BCL2L14: variants seen among roughly 807,000 people sequenced by gnomAD.
BCL2L14 encodes the protein BCL2 like 14, also known as apoptosis facilitator Bcl-2-like protein 14.
Under a neutral mutation model 35.3 loss-of-function variants are expected in BCL2L14, and 27 were observed. The ratio of observed to expected loss-of-function variants is 0.76; its 90% CI spans 0.56 to 1.05. The LOEUF is 1.05. BCL2L14 is among the 50% of genes least tolerant of loss of function. The pLI, the probability that BCL2L14 is intolerant of heterozygous loss-of-function variation, is 0.00. For missense variants in BCL2L14, 377 were observed against 382.6 expected, an observed-to-expected ratio of 0.99 and a Z score of 0.12; for synonymous variants, 139 against 145.9, an observed-to-expected ratio of 0.95 and a Z score of 0.34.
chr12:12,090,990 A>G, intron 4 of BCL2L14, 141 bp downstream of exon 4: 2 of 495,196 alleles, frequency 4.0e-6, no homozygotes, highest in Non-Finnish European at 6.7e-6. Flanking sequence ...TTTCCCTTGG[A>G]GTCAAAATTC....
chr12:12,086,395 A>G (rs1949043355), intron 2 of BCL2L14, among the ~76,000 whole-genome samples: 1 of 152,196 alleles, frequency 6.6e-6, no homozygotes, highest in Admixed American at 6.5e-5. Context: ...CCAGCAACTC[A>G]GCCATGCCAT....
At chr12:12,066,836 G>A (rs1405411340), upstream of BCL2L14, among the ~76,000 whole-genome samples, 1 of 150,860 alleles carries the variant, frequency 6.6e-6, no homozygotes, top group African/African-American at 2.4e-5. Flanking sequence ...TCAGCCTCCT[G>A]AGTAGCTGGG....
chr12:12,090,986 T>C (rs918842682), intron 4 of BCL2L14, 137 bp downstream of exon 4: 1 of 507,570 alleles, frequency 2.0e-6, no homozygotes, highest in Non-Finnish European at 3.2e-6. Flanking sequence ...TTTATTTCCC[T>C]TGGAGTCAAA....
At chr12:12,085,454 G>A (rs1949021623) in intron 2 of BCL2L14, among the ~76,000 whole-genome samples, 1 of 152,228 alleles carries the variant, frequency 6.6e-6, no homozygotes, top group Non-Finnish European at 1.5e-5. Flanking sequence ...CGGCTGGGCT[G>A]CAATAAGGGG....
intron 2 of BCL2L14, among the ~76,000 whole-genome samples, chr12:12,064,140 A>AC (rs1330361099): frequency 6.6e-6 from 1 of 151,984 alleles, no homozygotes; most frequent in Non-Finnish European, 1.5e-5. Context: ...ATGAGCCACC[A>AC]CGTGTGGCCT....
In BCL2L14 at chr12:12,079,325, G is replaced by A. The variant is rs1473173251; in HGVS notation, c.20G>A (p.Cys7Tyr). The A allele has an allele frequency of 3.7e-6, 6 of 1,613,840 alleles. No individual in the cohort carries two copies. The highest frequency in any genetic ancestry group is 2.7e-5 in the African/African-American group (2 of 74,934). The change falls in exon 2 of 6, where the codon TGT becomes TAT. Residue 7 changes from cysteine to tyrosine, a missense_variant. Coordinates refer to ENST00000308721, the MANE Select transcript of BCL2L14 (RefSeq NM_138723.2). The stretch of plus-strand genomic sequence containing the variant: ...CCCAACATGTGTAGCACCAGTGGGT[G>A]TGACCTGGAAGAAATCCCCCTAGAT... MCSTSG[C>Y]DLEEIPLDDD...
chr12:12,050,810 A>AAAG (rs1555084774), intron 1 of BCL2L14, among the ~76,000 whole-genome samples: 18 of 110,056 alleles, frequency 1.6e-4, no homozygotes, highest in African/African-American at 5.2e-4. Context: ...AAAAAAAAAA[A>AAAG]AAAGAAAAGA....
At chr12:12,063,331 T>C (rs4508290) in intron 2 of BCL2L14, among the ~76,000 whole-genome samples, 34,039 of 148,638 alleles carry the variant, frequency 0.23, 4,078 homozygotes, top group South Asian at 0.31. Flanking sequence ...TAGGCACTCT[T>C]TAATCAGATG....
upstream of BCL2L14, chr12:12,070,926 T>G (rs888404320): frequency 1.3e-5 from 2 of 152,160 alleles, no homozygotes; most frequent in African/African-American, 4.8e-5. Context: ...GAAGTGGTTC[T>G]CCTTCTTTAA....
intron 2 of BCL2L14, among the ~76,000 whole-genome samples, chr12:12,064,188 G>A (rs1482690346): frequency 6.6e-6 from 1 of 152,154 alleles, no homozygotes; most frequent in Non-Finnish European, 1.5e-5. Context: ...CCAGGCTGGA[G>A]TGCAGTGGTT....
chr12:12,063,793 A>C (rs1021634751), intron 2 of BCL2L14, among the ~76,000 whole-genome samples: 1 of 152,148 alleles, frequency 6.6e-6, no homozygotes, highest in Admixed American at 6.5e-5. Flanking sequence ...AAAGACGTGA[A>C]AATGGCCTGT....
chr12:12,055,354 CT>C (rs1201004858), intron 2 of BCL2L14: 2 of 152,210 alleles, frequency 1.3e-5, no homozygotes, highest in African/African-American at 4.8e-5. Flanking sequence ...AAACACACCC[CT>C]GATCCGTGGG....
At chr12:12,095,568 A>G (rs1009581093) in intron 5 of BCL2L14, 17 of 985,292 alleles carry the variant, frequency 1.7e-5, no homozygotes, top group African/African-American at 7.0e-5. Context: ...AAACAGCTAC[A>G]TAAGGTCCAC....
At chr12:12,080,843 C>T (rs1007792748) in intron 2 of BCL2L14, among the ~76,000 whole-genome samples, 2 of 152,090 alleles carry the variant, frequency 1.3e-5, no homozygotes, top group African/African-American at 4.8e-5. Flanking sequence ...AACTGAGAAG[C>T]ATTTAGACAA....
intron 2 of BCL2L14, among the ~76,000 whole-genome samples, chr12:12,060,705 G>T (rs1183904412): frequency 1.1e-4 from 6 of 56,092 alleles, no homozygotes; most frequent in Admixed American, 1.0e-3. Context: ...AGGAATGCCT[G>T]CAGCCCAGGA....
At chr12:12,066,628 A>G (rs1168948527), upstream of BCL2L14, among the ~76,000 whole-genome samples, 1 of 152,220 alleles carries the variant, frequency 6.6e-6, no homozygotes. Context: ...GAAACAATAG[A>G]AAATGTGAGC....
intron 3 of BCL2L14, among the ~76,000 whole-genome samples, chr12:12,088,588 TAGAAA>T (rs1219363170): frequency 1.3e-5 from 2 of 152,298 alleles, no homozygotes; most frequent in African/African-American, 2.4e-5. Context: ...TACTCTTTGT[TAGAAA>T]AGAAAATGAT....
In BCL2L14 at chr12:12,087,236, A is replaced by G. The variant is rs138853585; in HGVS notation, c.457A>G (p.Ile153Val). The G allele has an allele frequency of 5.6e-6, 9 of 1,614,038 alleles. No individual in the cohort carries two copies. Among genetic ancestry groups the G allele is most frequent in the Non-Finnish European group, 7.6e-6 (9 of 1,180,028 alleles). ...HEAVDPKVISIANRVAEIVYS... is the reference protein window; with the variant it reads ...HEAVDPKVISVANRVAEIVYS... ...AGCTGTGGACCCCAAAGTCATTTCC[A>G]TTGCCAACCGAGTAGCTGAAATTGT... Residue 153 changes from isoleucine to valine, a missense_variant, in exon 3 of 6, where the codon ATT becomes GTT. Coordinates refer to ENST00000308721, the MANE Select transcript of BCL2L14 (RefSeq NM_138723.2).
intron 1 of BCL2L14, among the ~76,000 whole-genome samples, chr12:12,073,108 T>G (rs762360129): frequency 5.9e-5 from 9 of 152,110 alleles, no homozygotes; most frequent in Admixed American, 1.3e-4. Flanking sequence ...CTCCTGGGCT[T>G]AAGCGATCCT....
Sources: allele counts gnomAD v4.1 joint callset (sites outside exome capture counted in the v4.1 genomes callset), GRCh38; gene constraint gnomAD v4.1.1; transcripts MANE v1.5; gene names NCBI Gene and HGNC (gene_info 2026-07-23, HGNC 2026-07-21).